Variants in RIN3 observed in about 807,000 individuals in gnomAD.
The protein encoded by RIN3 is Ras and Rab interactor 3.
Under a neutral mutation model 76.3 loss-of-function variants are expected in RIN3, and 54 were observed. The ratio of observed to expected loss-of-function variants is 0.71; its 90% CI spans 0.57 to 0.89. RIN3 has a LOEUF of 0.89. RIN3 is among the 40% of genes least tolerant of loss of function. RIN3 has a pLI of 0.00. For missense variants in RIN3, 1,256 were observed against 1,322.1 expected (o/e 0.95, Z 0.78); for synonymous variants, 576 against 564.0 (o/e 1.02, Z -0.30).
intron 1 of RIN3, among the ~76,000 whole-genome samples, chr14:92,528,579 G>A (rs1450327962): frequency 6.6e-6 from 1 of 152,194 alleles, no homozygotes; most frequent in Non-Finnish European, 1.5e-5. Context: ...TTGTGACCCC[G>A]TGGGGGTGTG....
intron 1 of RIN3, among the ~76,000 whole-genome samples, chr14:92,551,260 T>C (rs1374154632): frequency 6.6e-6 from 1 of 152,200 alleles, no homozygotes; most frequent in Non-Finnish European, 1.5e-5. Flanking sequence ...CTTCTGAGAT[T>C]CGTTCATGTG....
intron 4 of RIN3, among the ~76,000 whole-genome samples, chr14:92,635,614 G>A (rs1182145896): frequency 1.3e-5 from 2 of 152,300 alleles, no homozygotes; most frequent in South Asian, 4.1e-4. Flanking sequence ...CACTTCGGGA[G>A]GCTGAGGCAG....
chr14:92,542,130 A>G (rs1897143941), intron 1 of RIN3, among the ~76,000 whole-genome samples: 1 of 152,214 alleles, frequency 6.6e-6, no homozygotes, highest in South Asian at 2.1e-4. Flanking sequence ...CTGTACAAAA[A>G]ATAAAAAATT....
chr14:92,537,739 G>A (rs181008632), intron 1 of RIN3, among the ~76,000 whole-genome samples: 26 of 135,406 alleles, frequency 1.9e-4, no homozygotes, highest in African/African-American at 5.5e-4. Context: ...CTGCCCCCCC[G>A]CCACCAGGTT....
chr14:92,588,932 C>T (rs952244713), intron 3 of RIN3, among the ~76,000 whole-genome samples: 5 of 152,202 alleles, frequency 3.3e-5, no homozygotes, highest in African/African-American at 1.2e-4. Context: ...GTCATTAGCC[C>T]ATGAAGTGTA....
chr14:92,662,836 AT>A (rs5810608), intron 7 of RIN3, among the ~76,000 whole-genome samples: 58,659 of 148,268 alleles, frequency 0.4, 12,815 homozygotes, highest in African/African-American at 0.57. Flanking sequence ...AAACAGCATG[AT>A]TTTTTTTTTT....
intron 3 of RIN3, among the ~76,000 whole-genome samples, chr14:92,610,199 A>G (rs2140098105): frequency 1.3e-5 from 2 of 152,316 alleles, no homozygotes; most frequent in Admixed American, 1.3e-4. Context: ...AATGTACTCA[A>G]TGCCACTGAA....
intron 1 of RIN3, among the ~76,000 whole-genome samples, chr14:92,534,754 C>T (rs1425601646): frequency 6.6e-6 from 1 of 152,052 alleles, no homozygotes; most frequent in Non-Finnish European, 1.5e-5. Context: ...AATCCCTACA[C>T]CTTCCACTAT....
intron 3 of RIN3, among the ~76,000 whole-genome samples, chr14:92,604,395 A>G (rs1407341541): frequency 6.6e-6 from 1 of 152,184 alleles, no homozygotes; most frequent in African/African-American, 2.4e-5. Flanking sequence ...GAATTCTCTC[A>G]CCCATCTGGG....
chr14:92,659,732 G>C (rs923599408), intron 7 of RIN3, among the ~76,000 whole-genome samples: 1 of 152,214 alleles, frequency 6.6e-6, no homozygotes, highest in Admixed American at 6.5e-5. Context: ...GTGTGAATGA[G>C]GAAAAGCACT....
chr14:92,549,561 C>T (rs1049201274), intron 1 of RIN3, among the ~76,000 whole-genome samples: 2 of 152,212 alleles, frequency 1.3e-5, no homozygotes, highest in African/African-American at 4.8e-5. Context: ...TCTTCTACTC[C>T]CCAGGCTGAA....
rs1448489570 is a variant in RIN3 at position 92,615,401 on chromosome 14, C to T, written c.368-6C>T. ...CTCACCCAGGGCCCTTCTTGTGTCT[C>T]CCCAGTATTGTACCTGGAAGGCTCG... On this transcript the variant is annotated splice_region_variant and splice_polypyrimidine_tract_variant and intron_variant, in intron 3 of 9. Transcript: ENST00000216487. 5 of 1,613,736 alleles carry T rather than the reference C, an allele frequency of 3.1e-6. No individual in the cohort carries two copies. Among genetic ancestry groups the T allele is most frequent in the Admixed American group, 1.7e-5 (1 of 60,014 alleles).
chr14:92,655,954 T>C (rs1320184183), intron 6 of RIN3, among the ~76,000 whole-genome samples: 1 of 152,072 alleles, frequency 6.6e-6, no homozygotes, highest in African/African-American at 2.4e-5. Context: ...TCTGCAGTTC[T>C]GGGGCTAAAG....
At chr14:92,674,463 TG>T (rs1478753947) in intron 7 of RIN3, among the ~76,000 whole-genome samples, 1 of 151,472 alleles carries the variant, frequency 6.6e-6, no homozygotes, top group Non-Finnish European at 1.5e-5. Flanking sequence ...ATTAGCTGAG[TG>T]TGGTGGTATG....
At chr14:92,576,272 C>T in intron 2 of RIN3, 1 of 1,288,908 alleles carries the variant, frequency 7.8e-7, no homozygotes, top group Non-Finnish European at 1.0e-6. Flanking sequence ...GCAGCAGAAT[C>T]CCGCTCCCCA....
intron 3 of RIN3, among the ~76,000 whole-genome samples, chr14:92,596,072 T>G (rs1316157844): frequency 6.6e-6 from 1 of 152,234 alleles, no homozygotes; most frequent in African/African-American, 2.4e-5. Context: ...CTGATCCTGT[T>G]ACATGTTTTA....
rs563439211 is a variant in RIN3, at chr14:92,652,835, T to G, written c.1786T>G (p.Ser596Ala). The G allele has an allele frequency of 2.0e-5, 33 of 1,614,014 alleles. 1 individual carries two copies. The South Asian group carries it at 3.6e-4, about 18-fold the overall frequency. The change falls in exon 6 of 10, where the codon TCC (serine) becomes GCC (alanine). Residue 596 changes from serine to alanine, a missense_variant. Ser to Ala is a moderately conservative substitution (Grantham distance 99). Transcript: ENST00000216487. This position sits in a 1 kb window ranked among gnomAD's most constrained non-coding sequence, Gnocchi z 6.4. ...CAGCAGCATGTTCCACGCTTTCCTCTCCAACAACCGCAAGCTGTACAAGAA... is the reference window on the plus strand; with the variant it reads ...CAGCAGCATGTTCCACGCTTTCCTCGCCAACAACCGCAAGCTGTACAAGAA... ...SFSSMFHAFL[S>A]NNRKLYKKVV...
intron 7 of RIN3, among the ~76,000 whole-genome samples, chr14:92,663,875 G>C (rs1056532033): frequency 1.3e-5 from 2 of 151,732 alleles, no homozygotes; most frequent in African/African-American, 2.4e-5. Flanking sequence ...GCGATGCAGG[G>C]GCTGGGACAG....
chr14:92,597,072 T>C (rs569547243), intron 3 of RIN3, among the ~76,000 whole-genome samples: 1 of 152,342 alleles, frequency 6.6e-6, no homozygotes, highest in Non-Finnish European at 1.5e-5. Context: ...CGGATGGTAA[T>C]ACCCATCTCA....
Sources: allele counts gnomAD v4.1 joint callset (sites outside exome capture counted in the v4.1 genomes callset), GRCh38; gene constraint gnomAD v4.1.1; non-coding constraint Gnocchi (gnomAD v3.1); transcripts MANE v1.5; gene names NCBI Gene and HGNC (gene_info 2026-07-23, HGNC 2026-07-21).